Variants in ARSD observed in about 807,000 individuals in gnomAD.
ARSD encodes the protein arylsulfatase D, also known as testis tissue sperm-binding protein Li 39a.
Under a neutral mutation model 32.6 loss-of-function variants are expected in ARSD, and 21 were observed. That is an observed-to-expected ratio of 0.64 (90% CI 0.46 to 0.93). The LOEUF is 0.93. ARSD is among the 40% of genes least tolerant of loss of function. The pLI is 0.00. For missense variants in ARSD, 454 were observed against 520.9 expected (o/e 0.87, Z 1.25); for synonymous variants, 224 against 237.4 (o/e 0.94, Z 0.52).
intron 6 of ARSD, chrX:2,913,494 T>C: frequency 5.4e-6 from 5 of 923,985 alleles, no homozygotes; most frequent in Non-Finnish European, 6.8e-6. Context: ...GAATTTATTT[T>C]TGGTTTACAC....
chrX:2,914,375 G>T, intron 6 of ARSD: 1 of 475,586 alleles, frequency 2.1e-6, no homozygotes, highest in Non-Finnish European at 2.7e-6. Context: ...TGGGACCACA[G>T]GTGCACACCA....
Position 2,909,866 on chromosome X carries a change from C to A in ARSD, c.1249G>T (p.Val417Leu), listed in dbSNP as rs199779868. ...VIGEPTSLMD[V>L]FPTVVQLVGG... ...ACCAGCTGGACCACAGTAGGGAACA[C>A]GTCCATCAGGCTCGTGGGCTCTCCA... Residue 417 changes from valine to leucine, a missense_variant, in exon 8 of 10, where the codon GTG becomes TTG. Physicochemically the swap from Val to Leu is conservative, Grantham distance 32. This residue lies in a region of ARSD where 179 missense variants were observed against 198.5 expected (regional missense o/e 0.90). Coordinates refer to ENST00000381154, the MANE Select transcript of ARSD (RefSeq NM_001669.4). 4.1e-6 allele frequency: 5 copies of A among 1,210,837 alleles called. No homozygotes were observed. The highest frequency in any genetic ancestry group is 5.6e-6 in the Non-Finnish European group (5 of 895,257).
chrX:2,910,631 A>G, intron 7 of ARSD, 28 bp downstream of exon 7: 1 of 1,211,054 alleles, frequency 8.3e-7, no homozygotes, highest in African/African-American at 1.7e-5. Flanking sequence ...GGTCGAATGC[A>G]TATGTGTCCC....
At chrX:2,924,582 CTG>C (rs2089064044) in intron 2 of ARSD, among the ~76,000 whole-genome samples, 1 of 113,337 alleles carries the variant, frequency 8.8e-6, no homozygotes, top group Non-Finnish European at 1.9e-5. Context: ...GGCTACTACT[CTG>C]TGTTTGCACA....
chrX:2,914,391 G>T, intron 6 of ARSD: 1 of 462,825 alleles, frequency 2.2e-6, no homozygotes, highest in Non-Finnish European at 2.8e-6. Flanking sequence ...CACCACCATG[G>T]CTAATTTTTT....
At position 2,907,194 on chromosome X, in the gene ARSD, A is replaced by T. The variant is rs2088857906; in HGVS notation, c.*77T>A. 1 of 1,001,049 alleles carries T rather than the reference A, an allele frequency of 1.0e-6. No individual in the cohort carries two copies. Among genetic ancestry groups the T allele is most frequent in the Non-Finnish European group, 1.4e-6 (1 of 729,600 alleles). The allele number at this position is 1,001,049 out of a possible 1,213,427, so 82.5% of individuals were successfully genotyped here. A position where few individuals can be genotyped will look rare whatever the true frequency, so the allele number is the denominator to read the frequency against. ...ATGTTCCTTGCAAAAAGGGAAGCTG[A>T]AGATAGAACCAAGCTTGGAGAATTT... On this transcript the variant is annotated 3_prime_UTR_variant, in exon 10 of 10. Transcript: ENST00000381154.
At chrX:2,919,605 G>GAGA (rs1316216998) in intron 4 of ARSD, among the ~76,000 whole-genome samples, 4 of 111,656 alleles carry the variant, frequency 3.6e-5, no homozygotes, top group Non-Finnish European at 7.5e-5. Flanking sequence ...ATTTCCAATG[G>GAGA]AGAAGTCACA....
intron 4 of ARSD, among the ~76,000 whole-genome samples, chrX:2,918,896 T>C (rs1167559844): frequency 9.0e-6 from 1 of 111,156 alleles, no homozygotes; most frequent in Non-Finnish European, 1.9e-5. Flanking sequence ...GGTGGATCAC[T>C]TGAGGTCAGG....
chrX:2,909,102 A>C (rs751394178), intron 8 of ARSD, among the ~76,000 whole-genome samples: 13 of 110,572 alleles, frequency 1.2e-4, no homozygotes, highest in Non-Finnish European at 1.7e-4. Context: ...ACACACACAC[A>C]CCCCAACACA....
In ARSD at chrX:2,927,377, A is replaced by G. The variant is rs113333869; in HGVS notation, c.45-1612T>C. On this transcript the variant is annotated intron_variant, in intron 1 of 9. Coordinates refer to ENST00000381154, the MANE Select transcript of ARSD (RefSeq NM_001669.4). ...AGGGTTCAAGCGATTCTCCTGTCTC[A>G]GCCTCCTGAGTAGCTGGGATCACAG... is the stretch of plus-strand genomic sequence containing the variant. Among the ~76,000 whole-genome samples the G allele has an allele frequency of 8.3e-3, 923 of 110,711 alleles. 13 individuals are homozygous for G. Among genetic ancestry groups the G allele is most frequent in the African/African-American group, 0.028 (862 of 30,391 alleles).
At chrX:2,926,447 T>C (rs1422626845) in intron 1 of ARSD, among the ~76,000 whole-genome samples, 2 of 112,320 alleles carry the variant, frequency 1.8e-5, no homozygotes, top group Admixed American at 1.9e-4. Context: ...GGCAGAACTC[T>C]TGGTGTGCTT....
intron 6 of ARSD, among the ~76,000 whole-genome samples, chrX:2,911,669 CAAA>C (rs1289160928): frequency 1.7e-4 from 5 of 28,680 alleles, no homozygotes; most frequent in African/African-American, 2.4e-4. Flanking sequence ...GACTCCATCT[CAAA>C]AAAAAAAAAA....
At chrX:2,917,245 T>A (rs1301070869) in intron 5 of ARSD, among the ~76,000 whole-genome samples, 4 of 109,650 alleles carry the variant, frequency 3.6e-5, no homozygotes, top group Non-Finnish European at 7.6e-5. Context: ...AAAAAAAGTT[T>A]AAAAAACTGT....
chrX:2,925,761 A>T lies in ARSD; in HGVS notation c.49T>A (p.Ser17Thr). Residue 17 changes from serine (S) to threonine (T), a missense_variant, in exon 2 of 10, where the codon TCT becomes ACT. This residue lies in a region of ARSD where 271 missense variants were observed against 301.0 expected (regional missense o/e 0.90). Transcript: ENST00000381154. ...CATAAAAACAGTAGCACCGGCAAAG[A>T]GTCCCTGGAGAGAAAAGCGAAACAC... Reference protein sequence around the residue: ...RGRAAPAARDSLPVLLFLCLL... With the variant: ...RGRAAPAARDTLPVLLFLCLL... The T allele has an allele frequency of 8.3e-7, 1 of 1,210,142 alleles. No homozygotes were observed. Among genetic ancestry groups the T allele is most frequent in the Admixed American group, 2.2e-5 (1 of 45,736 alleles).
At chrX:2,926,306 C>T (rs764134534) in intron 1 of ARSD, among the ~76,000 whole-genome samples, 10 of 111,589 alleles carry the variant, frequency 9.0e-5, no homozygotes, top group Non-Finnish European at 1.7e-4. Context: ...CCTTTAGTCC[C>T]CAACAAAGCT....
intron 4 of ARSD, among the ~76,000 whole-genome samples, chrX:2,918,697 G>A (rs1248211085): frequency 1.8e-5 from 2 of 111,031 alleles, no homozygotes; most frequent in African/African-American, 3.3e-5. Context: ...CCGAGATCAT[G>A]CCACTGCACT....
At chrX:2,911,189 T>C (rs764736237) in intron 6 of ARSD, among the ~76,000 whole-genome samples, 1 of 111,163 alleles carries the variant, frequency 9.0e-6, no homozygotes, top group South Asian at 3.8e-4. Context: ...CTGGCCATTA[T>C]GGTGAAACCT....
chrX:2,908,953 G>T, intron 8 of ARSD, 111 bp from the exon 9 acceptor site: 1 of 1,079,240 alleles, frequency 9.3e-7, no homozygotes. Flanking sequence ...AAATGGAGCA[G>T]AGATGAGCTG....
intron 9 of ARSD, among the ~76,000 whole-genome samples, chrX:2,908,213 A>G (rs1354207142): frequency 2.7e-5 from 3 of 110,948 alleles, no homozygotes; most frequent in Non-Finnish European, 5.7e-5. Flanking sequence ...TCATCCATCC[A>G]TGAACTGATT....
Sources: allele counts gnomAD v4.1 joint callset (sites outside exome capture counted in the v4.1 genomes callset), GRCh38; gene constraint gnomAD v4.1.1; regional missense constraint gnomAD v4.1.1; transcripts MANE v1.5; gene names NCBI Gene and HGNC (gene_info 2026-07-23, HGNC 2026-07-21).